Variants in SMC6 observed in about 807,000 individuals in gnomAD.
The protein encoded by SMC6 is structural maintenance of chromosomes protein 6.
SMC6 carries 79 observed loss-of-function variants against 142.2 expected under a neutral mutation model. The observed-to-expected ratio is 0.56, with a 90% CI of 0.46 to 0.67. SMC6 has a LOEUF of 0.67. Among genes scored for constraint, SMC6 ranks in the 30% least tolerant of loss-of-function variants. The pLI is 0.00. For synonymous variants in SMC6, 411 were observed against 412.4 expected (o/e 1.00, Z 0.04); for missense variants, 1,072 against 1,284.0 (o/e 0.83, Z 2.52).
chr2:17,736,767 G>A (rs1424601374), intron 5 of SMC6, among the ~76,000 whole-genome samples: 1 of 151,924 alleles, frequency 6.6e-6, no homozygotes, highest in East Asian at 1.9e-4. Context: ...AGCTACTTGG[G>A]AGGGTGAGGC....
At chr2:17,702,483 T>C (rs1668314526) in intron 19 of SMC6, among the ~76,000 whole-genome samples, 2 of 152,224 alleles carry the variant, frequency 1.3e-5, no homozygotes, top group South Asian at 4.1e-4. Context: ...TTAAAAAATA[T>C]TCCAATCTTC....
intron 11 of SMC6, among the ~76,000 whole-genome samples, chr2:17,719,675 G>GA (rs1669274513): frequency 6.6e-6 from 1 of 152,156 alleles, no homozygotes; most frequent in African/African-American, 2.4e-5. Context: ...AATACTTGGT[G>GA]AAAATTTCAG....
intron 18 of SMC6, among the ~76,000 whole-genome samples, chr2:17,704,000 C>T (rs181080652): frequency 2.6e-4 from 40 of 151,960 alleles, no homozygotes; most frequent in South Asian, 8.3e-4. Context: ...GTGCCCCTAA[C>T]CTCTGCACTG....
chr2:17,739,879 A>AACAC (rs60784309), intron 4 of SMC6, among the ~76,000 whole-genome samples: 11,640 of 115,332 alleles, frequency 0.1, 737 homozygotes, highest in South Asian at 0.19. Context: ...GAATATGGTA[A>AACAC]ACACACACAC....
At chr2:17,678,771 G>T in intron 25 of SMC6, 88 bp downstream of exon 25, 1 of 901,618 alleles carries the variant, frequency 1.1e-6, no homozygotes, top group Non-Finnish European at 1.7e-6. Flanking sequence ...GTAAGACTCT[G>T]CCTCTAAAAA....
At chr2:17,683,026 A>G (rs1667302028) in intron 24 of SMC6, among the ~76,000 whole-genome samples, 1 of 152,114 alleles carries the variant, frequency 6.6e-6, no homozygotes, top group Admixed American at 6.6e-5. Flanking sequence ...ATTCATGTAT[A>G]TTAAAGGACC....
intron 18 of SMC6, 38 bp downstream of exon 18, chr2:17,707,181 A>C: frequency 2.1e-6 from 3 of 1,414,220 alleles, no homozygotes; most frequent in Non-Finnish European, 1.9e-6. Flanking sequence ...CCAAGGAAGC[A>C]GTGGGAATGA....
At chr2:17,753,220 C>T (rs1453449648) in intron 1 of SMC6, among the ~76,000 whole-genome samples, 156 bp from the exon 2 acceptor site, 1 of 141,862 alleles carries the variant, frequency 7.0e-6, no homozygotes, top group Non-Finnish European at 1.6e-5. Context: ...CACCAGTTGC[C>T]GCCTGCGAGA....
At chr2:17,696,805 T>C (rs1032152447) in intron 21 of SMC6, among the ~76,000 whole-genome samples, 90 of 152,176 alleles carry the variant, frequency 5.9e-4, no homozygotes, top group African/African-American at 1.6e-3. Context: ...TGTGAAAAAA[T>C]TTAACGCTGA....
intron 5 of SMC6, among the ~76,000 whole-genome samples, chr2:17,732,952 A>G (rs2125050151): frequency 6.6e-6 from 1 of 152,328 alleles, no homozygotes; most frequent in African/African-American, 2.4e-5. Context: ...AACTTGTGTT[A>G]AAATAAGACT....
At chr2:17,753,411 GC>G (rs1671193237) in intron 1 of SMC6, among the ~76,000 whole-genome samples, 1 of 152,220 alleles carries the variant, frequency 6.6e-6, no homozygotes, top group Admixed American at 6.5e-5. Context: ...GGAGACCGGT[GC>G]CGCCTCGGAG....
At chr2:17,691,886 T>C (rs1042353782) in intron 23 of SMC6, among the ~76,000 whole-genome samples, 5 of 152,132 alleles carry the variant, frequency 3.3e-5, no homozygotes, top group African/African-American at 1.2e-4. Flanking sequence ...AAAATCAATA[T>C]GCAAAAATCA....
intron 4 of SMC6, among the ~76,000 whole-genome samples, chr2:17,740,983 T>C (rs1387976793): frequency 6.6e-6 from 1 of 152,182 alleles, no homozygotes; most frequent in Non-Finnish European, 1.5e-5. Flanking sequence ...CTCAACAATA[T>C]TGCCTAGAGC....
At chr2:17,747,748 C>T (rs967494899) in intron 2 of SMC6, among the ~76,000 whole-genome samples, 1 of 152,136 alleles carries the variant, frequency 6.6e-6, no homozygotes, top group Non-Finnish European at 1.5e-5. Context: ...AAGTGATCTG[C>T]CCACCTCGGC....
chr2:17,739,769 C>A (rs7569030), intron 4 of SMC6, among the ~76,000 whole-genome samples: 52,697 of 151,166 alleles, frequency 0.35, 9,851 homozygotes, highest in African/African-American at 0.39. Flanking sequence ...GCTATGATCA[C>A]ACCAGTGTAG....
At position 17,720,858 on chromosome 2, in the gene SMC6, G is replaced by T. The variant is rs556802307; in HGVS notation, c.945+82C>A. On this transcript the variant is annotated intron_variant, in intron 11 of 27. Transcript: ENST00000448223. Reference sequence around the variant, plus strand: ...ACAAATATACTGTCTGAAACTGATGGTTTGGTGGGTCATAAATAGTCTAAT... The same window carrying T: ...ACAAATATACTGTCTGAAACTGATGTTTTGGTGGGTCATAAATAGTCTAAT... 1.5e-3 allele frequency: 1,708 copies of T among 1,165,568 alleles called. 3 individuals carry two copies. The highest frequency in any genetic ancestry group is 2.0e-3 in the Non-Finnish European group (1,586 of 799,360). The allele number at this position is 1,165,568 out of a possible 1,614,324, so 72.2% of individuals were successfully genotyped here.
intron 16 of SMC6, among the ~76,000 whole-genome samples, chr2:17,711,718 C>T (rs910152304): frequency 1.3e-5 from 2 of 152,102 alleles, no homozygotes; most frequent in African/African-American, 4.8e-5. Flanking sequence ...TCCAGGGCTC[C>T]AGTGATCCTC....
chr2:17,732,517 G>A (rs764951216), intron 5 of SMC6, among the ~76,000 whole-genome samples: 8 of 151,930 alleles, frequency 5.3e-5, no homozygotes, highest in African/African-American at 9.7e-5. Context: ...TGGCCAACAC[G>A]GTGAAACCCC....
rs537297285 is a variant in SMC6 at position 17,684,175 on chromosome 2, C to T, written c.2679-412G>A. On this transcript the variant is annotated intron_variant, in intron 23 of 27. Coordinates refer to ENST00000448223, the MANE Select transcript of SMC6 (RefSeq NM_001142286.2). ...ACTCAAGCCAGCATTAGAATCCACC[C>T]TCCCCTGTCCTAAACAAGATAAGAT... Among the ~76,000 whole-genome samples, 6 of 152,278 alleles carry T rather than the reference C, an allele frequency of 3.9e-5. No individual in the cohort carries two copies. In the South Asian group the frequency reaches 1.2e-3, roughly 32 times the overall value.
Sources: gnomAD v4.1 joint callset for allele counts (sites outside exome capture counted in the v4.1 genomes callset) on GRCh38, gnomAD v4.1.1 for gene constraint, MANE v1.5 for transcripts, NCBI Gene and HGNC (gene_info 2026-07-23, HGNC 2026-07-21) for gene names.